The following PSD3 variants were observed in gnomAD, a reference collection of about 807,000 sequenced individuals.
The protein encoded by PSD3 is PH and SEC7 domain-containing protein 3.
PSD3 carries 49 observed loss-of-function variants against 105.5 expected under a neutral mutation model. That is an observed-to-expected ratio of 0.46 (90% CI 0.37 to 0.59). The LOEUF is 0.59. Ranked by LOEUF, PSD3 falls within the 20% of genes least tolerant of loss-of-function variation. The pLI is 0.00. For synonymous variants in PSD3, 557 were observed against 457.8 expected, an observed-to-expected ratio of 1.22 and a Z score of -2.77; for missense variants, 1,561 against 1,263.8, an observed-to-expected ratio of 1.24 and a Z score of -3.57.
chr8:18,824,420 C>T (rs1245431522), intron 4 of PSD3, among the ~76,000 whole-genome samples: 1 of 152,096 alleles, frequency 6.6e-6, no homozygotes, highest in African/African-American at 2.4e-5. Context: ...AATTATGTCA[C>T]CTTTCTCATC....
chr8:18,811,567 G>A (rs1344047147), intron 4 of PSD3, among the ~76,000 whole-genome samples: 1 of 152,196 alleles, frequency 6.6e-6, no homozygotes, highest in Non-Finnish European at 1.5e-5. Context: ...CTAATTTGGG[G>A]ATGAGGGTGG....
intron 10 of PSD3, among the ~76,000 whole-genome samples, chr8:18,652,494 T>TTG (rs72214010): frequency 3.6e-4 from 7 of 19,498 alleles, no homozygotes; most frequent in African/African-American, 6.8e-4. Context: ...AAAAGCTTAG[T>TTG]TTTTTTTTTT....
intron 4 of PSD3, among the ~76,000 whole-genome samples, chr8:18,819,870 C>T (rs779783661): frequency 2.6e-5 from 4 of 152,236 alleles, no homozygotes; most frequent in African/African-American, 9.6e-5. Flanking sequence ...AGCCTCCGCA[C>T]CCAGCCAGAA....
At chr8:19,028,296 AC>A (rs1563517975) in intron 1 of PSD3, among the ~76,000 whole-genome samples, 1 of 35,864 alleles carries the variant, frequency 2.8e-5, no homozygotes, top group African/African-American at 1.3e-4. Context: ...CCCCCGGCCC[AC>A]CCTTTTTTTT....
At chr8:18,991,334 G>T (rs1825779158) in intron 1 of PSD3, among the ~76,000 whole-genome samples, 1 of 144,050 alleles carries the variant, frequency 6.9e-6, no homozygotes. Flanking sequence ...TTGGGCAACA[G>T]AAAACACACA....
At chr8:18,860,296 G>A (rs189348828) in intron 4 of PSD3, among the ~76,000 whole-genome samples, 19 of 152,062 alleles carry the variant, frequency 1.2e-4, no homozygotes, top group Admixed American at 3.9e-4. Flanking sequence ...AAAGATCTGG[G>A]ACCACAGGTC....
At chr8:19,034,951 T>C (rs904629933) in intron 1 of PSD3, among the ~76,000 whole-genome samples, 18 of 152,146 alleles carry the variant, frequency 1.2e-4, no homozygotes, top group Admixed American at 4.6e-4. Context: ...CAGAGGCAAA[T>C]TTTTTTGAGG....
intron 1 of PSD3, among the ~76,000 whole-genome samples, chr8:18,957,412 G>C (rs1823645006): frequency 6.6e-6 from 1 of 151,694 alleles, no homozygotes; most frequent in East Asian, 1.9e-4. Context: ...GGAAACAACA[G>C]TGACTGTACA....
chr8:18,680,228 C>T (rs1428851492), intron 9 of PSD3, among the ~76,000 whole-genome samples: 1 of 152,200 alleles, frequency 6.6e-6, no homozygotes, highest in Non-Finnish European at 1.5e-5. Context: ...TCAACATTTT[C>T]TAATACTGCA....
chr8:18,715,249 C>T (rs560598907), intron 9 of PSD3, among the ~76,000 whole-genome samples: 1 of 152,270 alleles, frequency 6.6e-6, no homozygotes, highest in East Asian at 1.9e-4. Context: ...TGTAACAAAC[C>T]TGCACATCCT....
At chr8:18,750,072 G>C (rs1805346983) in intron 9 of PSD3, among the ~76,000 whole-genome samples, 1 of 152,132 alleles carries the variant, frequency 6.6e-6, no homozygotes, top group South Asian at 2.1e-4. Context: ...GTTGTTTCAA[G>C]CCACTAAGTT....
intron 8 of PSD3, 29 bp downstream of exon 8, chr8:18,799,266 G>T: frequency 6.4e-7 from 1 of 1,554,210 alleles, no homozygotes; most frequent in Non-Finnish European, 8.9e-7. Flanking sequence ...GACATGTTTT[G>T]GATCTAAGTT....
intron 1 of PSD3, among the ~76,000 whole-genome samples, chr8:19,067,363 A>G (rs1829108056): frequency 6.6e-6 from 1 of 152,146 alleles, no homozygotes; most frequent in Non-Finnish European, 1.5e-5. Flanking sequence ...ACCTCATCCA[A>G]GGCTTCATTT....
chr8:18,551,242 C>G (rs1463801883), intron 15 of PSD3, among the ~76,000 whole-genome samples: 1 of 152,128 alleles, frequency 6.6e-6, no homozygotes, highest in African/African-American at 2.4e-5. Context: ...AGGCTAGGAT[C>G]ACAACCAGAA....
intron 2 of PSD3, among the ~76,000 whole-genome samples, chr8:18,892,545 C>T (rs768490817): frequency 5.3e-5 from 8 of 151,488 alleles, no homozygotes; most frequent in Non-Finnish European, 5.9e-5. Flanking sequence ...AATGAACACA[C>T]GATGTATCAT....
chr8:18,918,973 C>T (rs754000130), intron 2 of PSD3, among the ~76,000 whole-genome samples: 1 of 151,682 alleles, frequency 6.6e-6, no homozygotes, highest in Non-Finnish European at 1.5e-5. Flanking sequence ...TGAAACTCAC[C>T]AGGCTCTACA....
intron 8 of PSD3, among the ~76,000 whole-genome samples, chr8:18,788,524 C>T (rs188489352): frequency 2.2e-4 from 33 of 152,268 alleles, no homozygotes; most frequent in African/African-American, 7.9e-4. Context: ...CAGGTATTCA[C>T]TAGGAAAGCT....
chr8:18,795,951 C>G (rs1810139067), intron 8 of PSD3, among the ~76,000 whole-genome samples: 2 of 152,130 alleles, frequency 1.3e-5, no homozygotes, highest in Admixed American at 1.3e-4. Flanking sequence ...AGAAATGTAT[C>G]TGTATGTGTA....
rs534358956 is a variant in PSD3 at position 19,003,961 on chromosome 8, G to A, written c.21+9602C>T. 4.3e-4 allele frequency among the ~76,000 whole-genome samples: 66 copies of A among 152,060 alleles called. No homozygotes were observed. In the South Asian group the frequency reaches 0.013, roughly 30 times the overall value. ...GTGAGATCAGTTTCCCAAACATTCC[G>A]ATCTTAAGACTTGCATGGGGTGATT... On this transcript the variant is annotated intron_variant, in intron 1 of 15. Coordinates refer to ENST00000327040, the MANE Select transcript of PSD3 (RefSeq NM_015310.4).
Sources: gnomAD v4.1 joint callset for allele counts (sites outside exome capture counted in the v4.1 genomes callset) on GRCh38, gnomAD v4.1.1 for gene constraint, MANE v1.5 for transcripts, NCBI Gene and HGNC (gene_info 2026-07-23, HGNC 2026-07-21) for gene names.